The following DPF3 variants were observed in gnomAD, a reference collection of about 807,000 sequenced individuals.
DPF3 encodes double PHD fingers 3.
Under a neutral mutation model 56.8 loss-of-function variants are expected in DPF3, and 18 were observed. The observed-to-expected ratio is 0.32, with a 90% CI of 0.22 to 0.47. The LOEUF is 0.47. Ranked by LOEUF, DPF3 falls within the 20% of genes least tolerant of loss-of-function variation. The pLI, the probability that DPF3 is intolerant of heterozygous loss-of-function variation, is 1.00. For synonymous variants in DPF3, 188 were observed against 180.2 expected, an observed-to-expected ratio of 1.04 and a Z score of -0.35; for missense variants, 403 against 488.8, an observed-to-expected ratio of 0.82 and a Z score of 1.65.
intron 1 of DPF3, among the ~76,000 whole-genome samples, chr14:72,790,263 T>C (rs1892374363): frequency 6.6e-6 from 1 of 152,172 alleles, no homozygotes; most frequent in Admixed American, 6.5e-5. Context: ...TTAATGTATA[T>C]GTTTATTTAC....
rs28427868 is a variant in DPF3 at position 72,737,379 on chromosome 14, G to A, written c.302-5445C>T. On this transcript the variant is annotated intron_variant, in intron 3 of 10. Coordinates refer to ENST00000556509, the MANE Select transcript of DPF3 (RefSeq NM_001280542.3). Reference sequence around the variant, plus strand: ...ATGCACTGAAAGCAAAGCTTCCACTGGGTTGTTGGAGCCACCGAGCTCATT... The same window carrying A: ...ATGCACTGAAAGCAAAGCTTCCACTAGGTTGTTGGAGCCACCGAGCTCATT... Among the ~76,000 whole-genome samples, 1,472 of 152,084 alleles carry A rather than the reference G, an allele frequency of 9.7e-3. 16 individuals are homozygous for A. Among genetic ancestry groups the A allele is most frequent in the Middle Eastern group, 0.061 (18 of 294 alleles).
At chr14:72,881,410 A>G (rs1170916044) in intron 1 of DPF3, among the ~76,000 whole-genome samples, 1 of 152,136 alleles carries the variant, frequency 6.6e-6, no homozygotes, top group Non-Finnish European at 1.5e-5. Context: ...GTTTCCCAAG[A>G]CAAAGTTTCC....
chr14:72,739,187 A>G (rs1319982874), intron 3 of DPF3, among the ~76,000 whole-genome samples: 1 of 151,846 alleles, frequency 6.6e-6, no homozygotes, highest in African/African-American at 2.4e-5. Context: ...GGTTGCAGTG[A>G]GCCAAGATCA....
chr14:72,810,766 G>A (rs1164550410), intron 1 of DPF3, among the ~76,000 whole-genome samples: 2 of 152,160 alleles, frequency 1.3e-5, no homozygotes, highest in African/African-American at 2.4e-5. Context: ...CGATCCTGGA[G>A]CTGGGCCCTG....
At chr14:72,892,251 G>T in intron 1 of DPF3, 1 of 1,535,510 alleles carries the variant, frequency 6.5e-7, no homozygotes, top group South Asian at 1.2e-5. Flanking sequence ...TCAGTTGTGG[G>T]TTCGGTAGAA....
intron 1 of DPF3, among the ~76,000 whole-genome samples, chr14:72,808,763 T>C (rs1388919143): frequency 6.6e-6 from 1 of 152,162 alleles, no homozygotes; most frequent in Non-Finnish European, 1.5e-5. Flanking sequence ...TCTGAACAGC[T>C]TCTTCTACCA....
intron 1 of DPF3, among the ~76,000 whole-genome samples, chr14:72,890,460 C>T (rs1158361990): frequency 6.7e-6 from 1 of 149,230 alleles, no homozygotes; most frequent in Non-Finnish European, 1.5e-5. Flanking sequence ...TGCTGCACTC[C>T]AGCCTGGGCA....
At chr14:72,647,877 T>C (rs10139909) in intron 8 of DPF3, among the ~76,000 whole-genome samples, 1,649 of 152,296 alleles carry the variant, frequency 0.011, 34 homozygotes, top group African/African-American at 0.037. Flanking sequence ...GCAGACACCA[T>C]CAATTCTTTA....
At chr14:72,701,017 A>C (rs563997335) in intron 6 of DPF3, among the ~76,000 whole-genome samples, 3 of 152,230 alleles carry the variant, frequency 2.0e-5, no homozygotes, top group Non-Finnish European at 4.4e-5. Flanking sequence ...AAACATTTTG[A>C]AAATAAAGTA....
chr14:72,624,273 A>G (rs1599310479), intron 9 of DPF3, among the ~76,000 whole-genome samples: 4 of 151,924 alleles, frequency 2.6e-5, no homozygotes. Flanking sequence ...CCATTGGTGT[A>G]ATACTGTTAA....
intron 8 of DPF3, among the ~76,000 whole-genome samples, chr14:72,644,893 C>T (rs1160052879): frequency 6.6e-6 from 1 of 152,172 alleles, no homozygotes; most frequent in Non-Finnish European, 1.5e-5. Context: ...ATATGTGGCA[C>T]GTATACCACC....
intron 8 of DPF3, among the ~76,000 whole-genome samples, chr14:72,667,494 G>A (rs1355323838): frequency 2.0e-5 from 3 of 152,190 alleles, no homozygotes; most frequent in African/African-American, 4.8e-5. Context: ...TGGCCAGATC[G>A]TTTTCATCTT....
chr14:72,676,491 G>GATTA (rs559784054), intron 7 of DPF3, among the ~76,000 whole-genome samples: 69 of 152,350 alleles, frequency 4.5e-4, no homozygotes, highest in African/African-American at 1.6e-3. Flanking sequence ...AAAGCTTGCA[G>GATTA]ATTAATTCTT....
intron 1 of DPF3, among the ~76,000 whole-genome samples, chr14:72,859,809 T>A (rs1885324264): frequency 1.3e-5 from 2 of 151,986 alleles, no homozygotes; most frequent in Non-Finnish European, 2.9e-5. Flanking sequence ...TTATCTCCCA[T>A]CCCTCCCAGA....
At chr14:72,813,460 G>A (rs989557430) in intron 1 of DPF3, among the ~76,000 whole-genome samples, 15 of 152,260 alleles carry the variant, frequency 9.9e-5, no homozygotes, top group Middle Eastern at 3.4e-3. Context: ...CTCTGACCAC[G>A]CAGCCAGTCA....
intron 6 of DPF3, among the ~76,000 whole-genome samples, chr14:72,700,231 T>TA (rs1026229196): frequency 6.6e-5 from 10 of 152,290 alleles, no homozygotes; most frequent in African/African-American, 2.4e-4. Context: ...TTCCTGTCAC[T>TA]GCAAACACCA....
intron 3 of DPF3, among the ~76,000 whole-genome samples, chr14:72,745,040 A>G (rs570668213): frequency 7.7e-4 from 116 of 150,518 alleles, no homozygotes; most frequent in African/African-American, 2.5e-3. Context: ...AGGGGAGGTC[A>G]CACCAGGAGG....
At chr14:72,688,828 G>A (rs891439179) in intron 7 of DPF3, among the ~76,000 whole-genome samples, 4 of 152,214 alleles carry the variant, frequency 2.6e-5, no homozygotes, top group African/African-American at 9.6e-5. Context: ...CAGGGAGAGG[G>A]TGGGATGCAG....
At chr14:72,855,011 C>T (rs1885122896) in intron 1 of DPF3, among the ~76,000 whole-genome samples, 1 of 152,138 alleles carries the variant, frequency 6.6e-6, no homozygotes, top group African/African-American at 2.4e-5. Context: ...AAGACTTGTG[C>T]AGTCCCCGGA....
Sources: allele counts gnomAD v4.1 joint callset (sites outside exome capture counted in the v4.1 genomes callset), GRCh38; gene constraint gnomAD v4.1.1; transcripts MANE v1.5; gene names NCBI Gene and HGNC (gene_info 2026-07-23, HGNC 2026-07-21).